DIP2B: variants seen among roughly 807,000 people sequenced by gnomAD.
DIP2B encodes disco-interacting protein 2 homolog B.
In DIP2B, 76 loss-of-function variants were observed where a neutral mutation model predicts 198.0. The observed-to-expected ratio is 0.38, with a 90% CI of 0.32 to 0.46. The LOEUF (loss-of-function observed/expected upper bound fraction) is 0.46, where lower values mean the gene tolerates loss of function less well. DIP2B is among the 20% of genes least tolerant of loss of function. DIP2B has a pLI of 0.99. For missense variants in DIP2B, 1,559 were observed against 1,978.4 expected (o/e 0.79, Z 4.02); for synonymous variants, 701 against 739.1 (o/e 0.95, Z 0.84).
chr12:50,620,412 A>T (rs937010696), intron 1 of DIP2B, among the ~76,000 whole-genome samples: 4 of 152,210 alleles, frequency 2.6e-5, no homozygotes, highest in Non-Finnish European at 4.4e-5. Context: ...GTCTTTCTGT[A>T]TGTCTGCTGC....
chr12:50,538,369 T>C (rs1958288595), intron 1 of DIP2B, among the ~76,000 whole-genome samples: 1 of 152,132 alleles, frequency 6.6e-6, no homozygotes, highest in African/African-American at 2.4e-5. Flanking sequence ...GAGGAATTAA[T>C]GAAACACTGA....
At chr12:50,698,234 G>GTATT (rs1939352750) in intron 17 of DIP2B, 94 bp from the exon 18 acceptor site, 11 of 1,446,974 alleles carry the variant, frequency 7.6e-6, no homozygotes, top group Non-Finnish European at 1.0e-5. Context: ...AATTTTTTTG[G>GTATT]TATTGTAGCC....
chr12:50,615,272 T>C (rs1937677487), intron 1 of DIP2B, among the ~76,000 whole-genome samples: 1 of 152,228 alleles, frequency 6.6e-6, no homozygotes, highest in South Asian at 2.1e-4. Context: ...ATTTCTTTTT[T>C]TTTCTAGAAG....
intron 19 of DIP2B, among the ~76,000 whole-genome samples, chr12:50,702,734 T>TAAA (rs35373628): frequency 0.15 from 6,164 of 40,646 alleles, 849 homozygotes; most frequent in East Asian, 0.25. Context: ...CCTCATCTCT[T>TAAA]AAAAAAAAAA....
intron 1 of DIP2B, among the ~76,000 whole-genome samples, chr12:50,621,230 C>G (rs1377291569): frequency 6.6e-6 from 1 of 152,228 alleles, no homozygotes; most frequent in Non-Finnish European, 1.5e-5. Flanking sequence ...TGGTCTTGCC[C>G]TCTAGCTAAG....
At chr12:50,682,157 G>A (rs1352346123) in intron 9 of DIP2B, among the ~76,000 whole-genome samples, 1 of 152,186 alleles carries the variant, frequency 6.6e-6, no homozygotes, top group Admixed American at 6.5e-5. Flanking sequence ...TGTTACAGGT[G>A]AGATCACAGG....
chr12:50,646,334 G>C (rs1320730976), intron 3 of DIP2B, among the ~76,000 whole-genome samples: 5 of 152,068 alleles, frequency 3.3e-5, no homozygotes, highest in Middle Eastern at 3.4e-3. Flanking sequence ...TATTGGCCAG[G>C]CTGGTCTGGA....
chr12:50,611,794 C>G (rs1462733028), intron 1 of DIP2B, among the ~76,000 whole-genome samples: 2 of 152,142 alleles, frequency 1.3e-5, no homozygotes, highest in Admixed American at 1.3e-4. Context: ...GGGCTTTTAG[C>G]AAGAAATGCC....
chr12:50,592,103 T>C (rs1439972822), intron 1 of DIP2B, among the ~76,000 whole-genome samples: 4 of 152,082 alleles, frequency 2.6e-5, no homozygotes, highest in Non-Finnish European at 5.9e-5. Flanking sequence ...GGTCTCGAAC[T>C]CCTGACCTCA....
At position 50,619,681 on chromosome 12, in the gene DIP2B, T is replaced by C. The variant is rs374161062; in HGVS notation, c.101-6295T>C. On this transcript the variant is annotated intron_variant, in intron 1 of 37. Transcript: ENST00000301180. ...CTTTTAGTAATGTTTGTTGATGTTA[T>C]TTTCCATAGCCCAGACCCTATATTT... Among the ~76,000 whole-genome samples, 27 of 152,332 alleles carry C rather than the reference T, an allele frequency of 1.8e-4. No individual in the cohort carries two copies. The South Asian group carries it at 2.1e-3, about 12-fold the overall frequency.
chr12:50,510,683 T>A (rs557216853), intron 1 of DIP2B, among the ~76,000 whole-genome samples: 54 of 151,858 alleles, frequency 3.6e-4, no homozygotes, highest in Admixed American at 9.2e-4. Flanking sequence ...TTCACTCTTG[T>A]TGCCCAGGCT....
intron 1 of DIP2B, among the ~76,000 whole-genome samples, chr12:50,508,400 G>A (rs1338240998): frequency 6.6e-6 from 1 of 152,110 alleles, no homozygotes; most frequent in Non-Finnish European, 1.5e-5. Flanking sequence ...GCACTAATGG[G>A]GAGAATTAAT....
At chr12:50,742,152 C>CT in intron 37 of DIP2B, among the ~76,000 whole-genome samples, 1 of 152,174 alleles carries the variant, frequency 6.6e-6, no homozygotes. Context: ...AATCCCAGAA[C>CT]TTTGGGAGGC....
intron 1 of DIP2B, among the ~76,000 whole-genome samples, chr12:50,563,882 A>AT (rs1255105628): frequency 7.2e-6 from 1 of 139,024 alleles, no homozygotes; most frequent in Admixed American, 7.6e-5. Flanking sequence ...TATTTGCTGG[A>AT]TTTATTTTTT....
At chr12:50,679,119 T>C in intron 8 of DIP2B, 1 of 487,984 alleles carries the variant, frequency 2.0e-6, no homozygotes, top group Non-Finnish European at 3.6e-6. Context: ...TGTACATCCA[T>C]AGATGTTTTA....
chr12:50,721,658 A>G (rs992067169), intron 26 of DIP2B, among the ~76,000 whole-genome samples: 1 of 152,230 alleles, frequency 6.6e-6, no homozygotes, highest in Non-Finnish European at 1.5e-5. Context: ...CACTCAGTAA[A>G]TAATGAATGA....
At chr12:50,588,577 G>A (rs1958790696) in intron 1 of DIP2B, among the ~76,000 whole-genome samples, 2 of 152,090 alleles carry the variant, frequency 1.3e-5, no homozygotes, top group Non-Finnish European at 2.9e-5. Flanking sequence ...TGTTTTTTGG[G>A]GAATGCTGTC....
Position 50,674,536 on chromosome 12 carries a change from A to T in DIP2B, c.703A>T (p.Ile235Phe), listed in dbSNP as rs753129332. The change falls in exon 6 of 38, where the codon ATT becomes TTT. Residue 235 changes from isoleucine to phenylalanine, a missense_variant. Transcript: ENST00000301180. ...TTSSSSSSSSIRPANIDLPPS... is the reference protein window; with the variant it reads ...TTSSSSSSSSFRPANIDLPPS... ...CTCTTCCTCCTCATCATCTTCCTCA[A>T]TTCGCCCAGCAAACATTGACCTGCC... The T allele has an allele frequency of 9.9e-6, 16 of 1,614,144 alleles. No individual in the cohort carries two copies. The highest frequency in any genetic ancestry group is 1.7e-5 in the Admixed American group (1 of 60,012).
rs531164486 is a variant in DIP2B, at chr12:50,703,829, A to G, written c.2326-311A>G. On this transcript the variant is annotated intron_variant, in intron 19 of 37. Transcript: ENST00000301180. Reference sequence around the variant, plus strand: ...TTACTAACTTGGAAGGGTATCTGAGATATATTTCGTGGAAAAGCAAGTTGC... The same window carrying G: ...TTACTAACTTGGAAGGGTATCTGAGGTATATTTCGTGGAAAAGCAAGTTGC... Among the ~76,000 whole-genome samples, 5 of 152,008 alleles carry G rather than the reference A, an allele frequency of 3.3e-5. No homozygotes were observed. In the East Asian group the frequency reaches 9.7e-4, roughly 29 times the overall value.
Sources: allele counts gnomAD v4.1 joint callset (sites outside exome capture counted in the v4.1 genomes callset), GRCh38; gene constraint gnomAD v4.1.1; transcripts MANE v1.5; gene names NCBI Gene and HGNC (gene_info 2026-07-23, HGNC 2026-07-21).